The following EYA2 variants were observed in gnomAD, a reference collection of about 807,000 sequenced individuals.
The protein encoded by EYA2 is EYA transcriptional coactivator and phosphatase 2.
In EYA2, 31 loss-of-function variants were observed where a neutral mutation model predicts 69.2. That is an observed-to-expected ratio of 0.45 (90% confidence interval 0.34 to 0.60). The LOEUF is 0.60. Ranked by LOEUF, EYA2 falls within the 20% of genes least tolerant of loss-of-function variation. EYA2 has a pLI of 0.02. For synonymous variants in EYA2, 257 were observed against 279.4 expected, an observed-to-expected ratio of 0.92 and a Z score of 0.80; for missense variants, 622 against 701.2, an observed-to-expected ratio of 0.89 and a Z score of 1.28.
intron 2 of EYA2, among the ~76,000 whole-genome samples, chr20:46,993,448 C>G (rs933886888): frequency 5.3e-5 from 8 of 152,202 alleles, no homozygotes; most frequent in African/African-American, 1.9e-4. Context: ...TCTGTCTGGA[C>G]CAGTCTTCAC....
intron 2 of EYA2, among the ~76,000 whole-genome samples, chr20:46,995,586 T>G (rs1470497779): frequency 6.6e-6 from 1 of 152,172 alleles, no homozygotes; most frequent in African/African-American, 2.4e-5. Flanking sequence ...GATGAACTGA[T>G]ACAGTTTACA....
In EYA2 at chr20:47,001,424, G is replaced by A. The variant is rs917159578; in HGVS notation, c.110-4G>A. On this transcript the variant is annotated splice_polypyrimidine_tract_variant and splice_region_variant and intron_variant, in intron 2 of 15. Transcript: ENST00000327619. ...CTCTTCCAATTTTTCTTTTTCTCCT[G>A]CAGGCATCACCAAATCGGCCCCCCT... 5 of 1,614,052 alleles carry A rather than the reference G, an allele frequency of 3.1e-6. No homozygotes were observed. The Admixed American group carries it at 5.0e-5, about 16-fold the overall frequency.
intron 7 of EYA2, among the ~76,000 whole-genome samples, chr20:47,079,415 C>A (rs1296698824): frequency 1.6e-4 from 24 of 152,172 alleles, no homozygotes; most frequent in Admixed American, 1.6e-3. Context: ...CAGAGGCCAC[C>A]TGCCTTCCTT....
chr20:46,901,971 G>T (rs867593543), intron 1 of EYA2, among the ~76,000 whole-genome samples: 1 of 152,220 alleles, frequency 6.6e-6, no homozygotes, highest in Non-Finnish European at 1.5e-5. Flanking sequence ...AATGGCTGGG[G>T]TGTGGAGAGA....
At chr20:47,091,703 C>T (rs938967617) in intron 8 of EYA2, among the ~76,000 whole-genome samples, 7 of 151,898 alleles carry the variant, frequency 4.6e-5, no homozygotes, top group Admixed American at 3.3e-4. Context: ...CATGACCACA[C>T]CACTGCACTC....
At chr20:47,042,894 T>C (rs1391116297) in intron 5 of EYA2, among the ~76,000 whole-genome samples, 1 of 152,186 alleles carries the variant, frequency 6.6e-6, no homozygotes, top group African/African-American at 2.4e-5. Context: ...TGGCTGGATT[T>C]GTGTTATATG....
At chr20:46,965,761 G>T (rs1268303364) in intron 1 of EYA2, among the ~76,000 whole-genome samples, 1 of 152,242 alleles carries the variant, frequency 6.6e-6, no homozygotes, top group East Asian at 1.9e-4. Flanking sequence ...CGTCCGCCGG[G>T]CTGTTCCCTG....
intron 1 of EYA2, among the ~76,000 whole-genome samples, chr20:46,987,241 G>A (rs78083971): frequency 0.025 from 3,794 of 152,322 alleles, 75 homozygotes; most frequent in Non-Finnish European, 0.038. Flanking sequence ...GAGCAGGGCA[G>A]TGTTCCAATA....
chr20:47,180,837 G>A lies in EYA2; in HGVS notation c.1336G>A (p.Val446Ile). The A allele has an allele frequency of 6.2e-7, 1 of 1,614,168 alleles. No homozygotes were observed. The highest frequency in any genetic ancestry group is 8.5e-7 in the Non-Finnish European group (1 of 1,180,016). Residue 446 changes from valine to isoleucine, a missense_variant, in exon 14 of 16, where the codon GTC (valine) becomes ATC (isoleucine). Val to Ile is a conservative substitution (Grantham distance 29, BLOSUM62 3). Around this residue, in one of 2 missense-constraint regions of EYA2, gnomAD observed 257 missense variants for 351.5 expected, o/e 0.73. Transcript: ENST00000327619. ...NSRPNCVNVL[V>I]TTTQLIPALA... Reference sequence around the variant, plus strand: ...TAGGCCCAACTGTGTCAATGTGCTGGTCACCACCACTCAACTAATTCCTGC... The same window carrying A: ...TAGGCCCAACTGTGTCAATGTGCTGATCACCACCACTCAACTAATTCCTGC...
intron 9 of EYA2, among the ~76,000 whole-genome samples, chr20:47,116,834 G>T (rs1044741015): frequency 2.6e-5 from 4 of 152,168 alleles, no homozygotes; most frequent in Non-Finnish European, 5.9e-5. Context: ...ATGAATGCTG[G>T]GACTCCATGA....
chr20:47,144,870 AAG>A (rs1345721489), intron 10 of EYA2, among the ~76,000 whole-genome samples: 1 of 152,216 alleles, frequency 6.6e-6, no homozygotes, highest in East Asian at 1.9e-4. Context: ...CGAAGGACAC[AAG>A]AGAGAAAACA....
At chr20:46,907,665 C>G (rs1420894035) in intron 1 of EYA2, among the ~76,000 whole-genome samples, 1 of 152,182 alleles carries the variant, frequency 6.6e-6, no homozygotes, top group Non-Finnish European at 1.5e-5. Context: ...ATGGTGAAAT[C>G]CCATGTCTAC....
intron 15 of EYA2, among the ~76,000 whole-genome samples, chr20:47,184,525 T>A (rs1475719560): frequency 6.6e-6 from 1 of 151,092 alleles, no homozygotes; most frequent in Non-Finnish European, 1.5e-5. Flanking sequence ...TCAAGCGATC[T>A]TCCCACTTCC....
intron 5 of EYA2, among the ~76,000 whole-genome samples, chr20:47,053,535 C>T (rs961896749): frequency 4.0e-5 from 6 of 151,652 alleles, no homozygotes; most frequent in African/African-American, 4.8e-5. Context: ...GGTGTGGTGG[C>T]GCATGCCTGT....
Position 47,016,222 on chromosome 20 carries a change from A to C in EYA2, c.340A>C (p.Ser114Arg). Reference protein sequence around the residue: ...EDSLNHSPGQSGFLSYGSSFS... With the variant: ...EDSLNHSPGQRGFLSYGSSFS... ...CAGCTTGAACCATTCCCCTGGCCAG[A>C]GTGGATTCCTCAGCTATGGCTCCAG... The change falls in exon 5 of 16, where the codon AGT becomes CGT. Residue 114 changes from serine (S) to arginine (R), a missense_variant. Physicochemically the swap from Ser to Arg is moderately radical, Grantham distance 110. Coordinates refer to ENST00000327619, the MANE Select transcript of EYA2 (RefSeq NM_005244.5). The C allele has an allele frequency of 1.9e-6, 3 of 1,614,134 alleles. No individual in the cohort carries two copies. Among genetic ancestry groups the C allele is most frequent in the Non-Finnish European group, 2.5e-6 (3 of 1,180,014 alleles).
intron 7 of EYA2, among the ~76,000 whole-genome samples, chr20:47,078,260 C>G (rs937935598): frequency 6.6e-6 from 1 of 152,154 alleles, no homozygotes; most frequent in African/African-American, 2.4e-5. Context: ...TCTCCTGCCT[C>G]TTTTTCCTAG....
chr20:47,010,649 A>G (rs1983000032), intron 4 of EYA2, among the ~76,000 whole-genome samples: 1 of 147,782 alleles, frequency 6.8e-6, no homozygotes, highest in Admixed American at 6.9e-5. Flanking sequence ...GTAGTTACAT[A>G]TTTATTTTAA....
chr20:46,950,974 T>A (rs1978761044), intron 1 of EYA2, among the ~76,000 whole-genome samples: 1 of 152,230 alleles, frequency 6.6e-6, no homozygotes, highest in South Asian at 2.1e-4. Flanking sequence ...TTATAACACG[T>A]GCCGCTGAGT....
chr20:47,046,602 G>A (rs938127030), intron 5 of EYA2, among the ~76,000 whole-genome samples: 36 of 152,154 alleles, frequency 2.4e-4, no homozygotes, highest in African/African-American at 8.2e-4. Context: ...GTGTAGGGGG[G>A]TGGGCTGGGT....
Sources: gnomAD v4.1 joint callset for allele counts (sites outside exome capture counted in the v4.1 genomes callset) on GRCh38, gnomAD v4.1.1 for gene constraint, gnomAD v4.1.1 regional missense constraint, MANE v1.5 for transcripts, NCBI Gene and HGNC (gene_info 2026-07-23, HGNC 2026-07-21) for gene names.